The following RAD52 variants were observed in gnomAD, a reference collection of about 807,000 sequenced individuals.
The protein encoded by RAD52 is RAD52 DNA repair protein.
Under a neutral mutation model 55.5 loss-of-function variants are expected in RAD52, and 47 were observed. The observed-to-expected ratio is 0.85, with a 90% CI of 0.67 to 1.08. RAD52 has a LOEUF of 1.08. Among genes scored for constraint, RAD52 ranks in the 50% least tolerant of loss-of-function variants. RAD52 has a pLI of 0.00. For missense variants in RAD52, 468 were observed against 522.8 expected (o/e 0.90, Z 1.02); for synonymous variants, 184 against 198.9 (o/e 0.92, Z 0.63).
upstream of RAD52, among the ~76,000 whole-genome samples, chr12:953,851 A>G (rs1248148205): frequency 6.6e-6 from 1 of 152,154 alleles, no homozygotes; most frequent in East Asian, 1.9e-4. Flanking sequence ...ACATATTCCT[A>G]CATGTTCCTT....
chr12:936,485 T>TAAAA lies in RAD52; in HGVS notation c.-18-3413_-18-3410dup, dbSNP rs71055107. On this transcript the variant is annotated intron_variant, in intron 1 of 11. Transcript: ENST00000358495. Reference sequence around the variant, plus strand: ...TACAATGGTTTTTCCATTATAAAAGTAAAAAAAAAAAAAAAAAAAATTTAA... The same window carrying TAAAA: ...TACAATGGTTTTTCCATTATAAAAGTAAAAAAAAAAAAAAAAAAAAAAAATTTAA... 9.4e-4 allele frequency among the ~76,000 whole-genome samples: 126 copies of TAAAA among 134,356 alleles called. 1 individual carries two copies. Among genetic ancestry groups the TAAAA allele is most frequent in the African/African-American group, 3.1e-3 (111 of 35,634 alleles). The allele number at this position is 134,356 out of a possible 152,430, so 88.1% of individuals were successfully genotyped here.
chr12:950,081 A>G (rs1025257221), upstream of RAD52, among the ~76,000 whole-genome samples: 3 of 152,170 alleles, frequency 2.0e-5, no homozygotes, highest in South Asian at 2.1e-4. Flanking sequence ...CCCATGCACA[A>G]TTGGGAAAAT....
chr12:967,538 T>G (rs17833575), intron 1 of RAD52, among the ~76,000 whole-genome samples: 24,536 of 151,800 alleles, frequency 0.16, 2,150 homozygotes, highest in South Asian at 0.23. Flanking sequence ...GGTTATTGTG[T>G]TCTTCATTTT....
chr12:916,515 C>T, intron 8 of RAD52, 32 bp from the exon 9 acceptor site: 4 of 1,606,146 alleles, frequency 2.5e-6, no homozygotes, highest in Non-Finnish European at 3.4e-6. Context: ...AGGACGGGCT[C>T]CTGAGCAACA....
upstream of RAD52, among the ~76,000 whole-genome samples, chr12:953,918 C>T (rs552865224): frequency 7.2e-5 from 11 of 152,264 alleles, no homozygotes; most frequent in Admixed American, 2.0e-4. Context: ...GGGTGACAGA[C>T]GTCTATTTTA....
upstream of RAD52, chr12:990,141 A>C (rs933931537): frequency 1.3e-5 from 2 of 152,212 alleles, no homozygotes; most frequent in African/African-American, 4.8e-5. Context: ...TGTTAATGGG[A>C]TTATGAGGCA....
rs563695185 is a variant in RAD52 at position 960,138 on chromosome 12, G to T, written c.-18-27062C>A. ...AGGGCACTTTCGAGATTTCAAGCAG[G>T]GAAATGCCCTGATCTGAATAGAAAC... is the stretch of plus-strand genomic sequence containing the variant. On this transcript the variant is annotated intron_variant, in intron 1 of 11. Coordinates refer to the RAD52 transcript ENST00000430095. Among the ~76,000 whole-genome samples the T allele has an allele frequency of 2.0e-5, 3 of 152,256 alleles. No individual in the cohort carries two copies. In the South Asian group the frequency reaches 6.2e-4, roughly 32 times the overall value.
chr12:964,388 C>T lies in RAD52; in HGVS notation c.-19+25421G>A, dbSNP rs561036627. On this transcript the variant is annotated intron_variant, in intron 1 of 11. Transcript: ENST00000430095. ...TTTGAGACCAGCCAGGCCAATGTGG[C>T]GAAACCCTGTCCCTACTAAAAATAC... is the stretch of plus-strand genomic sequence containing the variant. 9.4e-4 allele frequency among the ~76,000 whole-genome samples: 143 copies of T among 152,062 alleles called. 1 individual carries two copies. The highest frequency in any genetic ancestry group is 3.2e-3 in the African/African-American group (134 of 41,496).
At chr12:957,589 C>T (rs1299856468) in intron 1 of RAD52, among the ~76,000 whole-genome samples, 1 of 151,256 alleles carries the variant, frequency 6.6e-6, no homozygotes, top group Admixed American at 6.6e-5. Context: ...AGTTCGAGAT[C>T]ATCCTGGGCA....
At position 916,250 on chromosome 12, in the gene RAD52, C is replaced by G. The variant is rs1039426469; in HGVS notation, c.865+94G>C. The G allele has an allele frequency of 2.0e-6, 3 of 1,537,640 alleles. No homozygotes were observed. The African/African-American group carries it at 4.2e-5, about 21-fold the overall frequency. ...AGTCCCAGCGAGGCCTGGTTTGGAG[C>G]CGGCCCAGGGTTACCGCAGAGAATC... On this transcript the variant is annotated intron_variant, in intron 9 of 11. Transcript: ENST00000358495.
intron 1 of RAD52, among the ~76,000 whole-genome samples, chr12:986,363 C>A (rs1406696859): frequency 6.6e-6 from 1 of 152,054 alleles, no homozygotes; most frequent in East Asian, 1.9e-4. Flanking sequence ...CACATCCAGC[C>A]TGCTTTTGTT....
chr12:925,399 C>CTT, intron 7 of RAD52, 51 bp downstream of exon 7: 1 of 1,473,052 alleles, frequency 6.8e-7, no homozygotes, highest in Non-Finnish European at 9.5e-7. Flanking sequence ...ACCCATGACA[C>CTT]ACAAGAGTTT....
At chr12:960,143 T>C (rs1452791813) in intron 1 of RAD52, among the ~76,000 whole-genome samples, 1 of 152,162 alleles carries the variant, frequency 6.6e-6, no homozygotes, top group Non-Finnish European at 1.5e-5. Flanking sequence ...AGCAGGGAAA[T>C]GCCCTGATCT....
intron 1 of RAD52, among the ~76,000 whole-genome samples, chr12:985,542 T>C (rs1241264458): frequency 1.3e-5 from 2 of 152,256 alleles, no homozygotes; most frequent in Non-Finnish European, 2.9e-5. Flanking sequence ...TTTTCTTCTA[T>C]GAGTATTTTA....
chr12:974,409 G>A (rs1312129619), intron 1 of RAD52: 3 of 152,174 alleles, frequency 2.0e-5, no homozygotes, highest in South Asian at 2.1e-4. Context: ...GAAACTCTCC[G>A]CCCTTCCTTG....
At chr12:929,596 A>C in intron 5 of RAD52, 1 of 743,910 alleles carries the variant, frequency 1.3e-6, no homozygotes, top group South Asian at 1.4e-5. Context: ...ATATATGGTG[A>C]AAACTTTTAG....
chr12:950,972 G>A (rs554199658), upstream of RAD52, among the ~76,000 whole-genome samples: 3 of 152,010 alleles, frequency 2.0e-5, no homozygotes, highest in East Asian at 1.9e-4. Context: ...GGCTGGTCTC[G>A]AACTCCCAAC....
rs761817031 is a variant in RAD52, at chr12:931,203, C to T, written c.186+17G>A. 6.2e-7 allele frequency: 1 copy of T among 1,602,844 alleles called. No individual in the cohort carries two copies. Among genetic ancestry groups the T allele is most frequent in the South Asian group, 1.1e-5 (1 of 90,790 alleles). On this transcript the variant is annotated intron_variant, in intron 3 of 11. Coordinates refer to ENST00000358495, the MANE Select transcript of RAD52 (RefSeq NM_134424.4). ...GCGGTATGGATGCCTGCTTTCCAGG[C>T]ACATGAATTCTCCTACCTTCTGGCC...
intron 1 of RAD52, among the ~76,000 whole-genome samples, chr12:956,005 C>G (rs1239953772): frequency 2.0e-5 from 3 of 152,074 alleles, no homozygotes; most frequent in Non-Finnish European, 4.4e-5. Context: ...GCCCAATGTA[C>G]TCTTCTGTAG....
Sources: allele counts gnomAD v4.1 joint callset (sites outside exome capture counted in the v4.1 genomes callset), GRCh38; gene constraint gnomAD v4.1.1; transcripts MANE v1.5; gene names NCBI Gene and HGNC (gene_info 2026-07-23, HGNC 2026-07-21).